CSGALNACT1: variants seen among roughly 807,000 people sequenced by gnomAD.
The protein encoded by CSGALNACT1 is chondroitin sulfate N-acetylgalactosaminyltransferase 1, also known as beta4GalNAcT-1.
A neutral mutation model predicts 51.0 loss-of-function variants in CSGALNACT1; 52 were observed. That is an observed-to-expected ratio of 1.02 (90% CI 0.82 to 1.29). The LOEUF (loss-of-function observed/expected upper bound fraction) is 1.29, where lower values mean the gene tolerates loss of function less well. Among genes scored for constraint, CSGALNACT1 ranks in the 50% most tolerant of loss-of-function variants. CSGALNACT1 has a pLI of 0.00. For missense variants in CSGALNACT1, 935 were observed against 679.2 expected, an observed-to-expected ratio of 1.38 and a Z score of -4.19; for synonymous variants, 341 against 254.4, an observed-to-expected ratio of 1.34 and a Z score of -3.24.
intron 5 of CSGALNACT1, among the ~76,000 whole-genome samples, chr8:19,454,120 G>C (rs904427426): frequency 2.0e-5 from 3 of 152,234 alleles, no homozygotes; most frequent in African/African-American, 7.2e-5. Flanking sequence ...CCTGAGGAAT[G>C]ACAGTGTGTC....
At chr8:19,648,682 T>G (rs558434779) in intron 1 of CSGALNACT1, among the ~76,000 whole-genome samples, 1 of 152,230 alleles carries the variant, frequency 6.6e-6, no homozygotes, top group Non-Finnish European at 1.5e-5. Context: ...GTGGTACCTG[T>G]AGTCCCAGGT....
At position 19,521,169 on chromosome 8, in the gene CSGALNACT1, A is replaced by G. The variant is rs530981476; in HGVS notation, c.-296-15039T>C. 6.2e-4 allele frequency among the ~76,000 whole-genome samples: 95 copies of G among 152,312 alleles called. 1 individual carries two copies. In the South Asian group the frequency reaches 0.019, roughly 31 times the overall value. ...ATAGGTAACGGCTAGCCAGCTGTCT[A>G]AGATTTTAAACAACAGACTCACACG... On this transcript the variant is annotated intron_variant, in intron 3 of 9. Coordinates refer to ENST00000454498, the Ensembl canonical transcript of CSGALNACT1.
At chr8:19,486,756 T>C (rs1183730321) in intron 4 of CSGALNACT1, among the ~76,000 whole-genome samples, 1 of 152,134 alleles carries the variant, frequency 6.6e-6, no homozygotes, top group Non-Finnish European at 1.5e-5. Context: ...CTAAAGGGAA[T>C]CCCCTTTACT....
At chr8:19,583,783 G>A (rs565643360) in intron 3 of CSGALNACT1, among the ~76,000 whole-genome samples, 1 of 152,260 alleles carries the variant, frequency 6.6e-6, no homozygotes, top group Non-Finnish European at 1.5e-5. Context: ...GCACTTTGGG[G>A]TTGGAACTGC....
chr8:19,618,491 T>C (rs1006795024), intron 1 of CSGALNACT1, among the ~76,000 whole-genome samples: 2 of 151,020 alleles, frequency 1.3e-5, no homozygotes, highest in African/African-American at 4.9e-5. Context: ...AATATAAAAA[T>C]TAGCCAGGCT....
At chr8:19,444,929 G>T (rs948570959) in intron 5 of CSGALNACT1, among the ~76,000 whole-genome samples, 1 of 152,194 alleles carries the variant, frequency 6.6e-6, no homozygotes, top group Non-Finnish European at 1.5e-5. Context: ...CCAGATGGAA[G>T]AAATAGGGAA....
intron 1 of CSGALNACT1, among the ~76,000 whole-genome samples, chr8:19,692,413 T>C (rs1193502719): frequency 6.6e-6 from 1 of 152,190 alleles, no homozygotes; most frequent in African/African-American, 2.4e-5. Flanking sequence ...TCCTCCCTTC[T>C]CTGCAATGAA....
chr8:19,409,063 C>T (rs555248641), intron 8 of CSGALNACT1, among the ~76,000 whole-genome samples: 10 of 152,176 alleles, frequency 6.6e-5, no homozygotes, highest in Admixed American at 2.0e-4. Context: ...CCAGTGCCAG[C>T]GAGAATCGGA....
chr8:19,521,337 A>T (rs2080645586), intron 3 of CSGALNACT1, among the ~76,000 whole-genome samples: 1 of 152,176 alleles, frequency 6.6e-6, no homozygotes, highest in Admixed American at 6.5e-5. Flanking sequence ...AGCACTAAAG[A>T]CAGAGGAAGT....
At chr8:19,410,498 A>G (rs911976578) in intron 8 of CSGALNACT1, among the ~76,000 whole-genome samples, 1 of 152,216 alleles carries the variant, frequency 6.6e-6, no homozygotes, top group Admixed American at 6.5e-5. Flanking sequence ...AAGTGCCAGT[A>G]TCCAATCTTC....
At chr8:19,599,571 A>G (rs1223626743) in intron 2 of CSGALNACT1, among the ~76,000 whole-genome samples, 4 of 151,954 alleles carry the variant, frequency 2.6e-5, no homozygotes, top group East Asian at 1.9e-4. Flanking sequence ...GAAAGAAAGA[A>G]AGAGAGAGAA....
intron 5 of CSGALNACT1, among the ~76,000 whole-genome samples, chr8:19,444,481 G>A (rs1335209219): frequency 1.3e-5 from 2 of 152,172 alleles, no homozygotes; most frequent in Non-Finnish European, 2.9e-5. Flanking sequence ...CTGGAAACAA[G>A]TTAATGGAAA....
chr8:19,544,647 AT>A (rs2086054384), intron 3 of CSGALNACT1, among the ~76,000 whole-genome samples: 1 of 152,184 alleles, frequency 6.6e-6, no homozygotes, highest in South Asian at 2.1e-4. Context: ...TTTTGTTATA[AT>A]TCTTAAAGTA....
At chr8:19,527,092 A>G (rs2081875504) in intron 3 of CSGALNACT1, among the ~76,000 whole-genome samples, 1 of 152,214 alleles carries the variant, frequency 6.6e-6, no homozygotes, top group Non-Finnish European at 1.5e-5. Flanking sequence ...GATAAGTAAG[A>G]CAGCATTCTT....
chr8:19,458,734 A>G, intron 4 of CSGALNACT1, 92 bp from the exon 4 acceptor site: 1 of 1,171,302 alleles, frequency 8.5e-7, no homozygotes. Context: ...AATGCCTTTA[A>G]AAAGTGTTTA....
intron 1 of CSGALNACT1, among the ~76,000 whole-genome samples, chr8:19,664,852 C>T (rs1290967128): frequency 6.6e-6 from 1 of 152,122 alleles, no homozygotes; most frequent in Non-Finnish European, 1.5e-5. Flanking sequence ...TACATGGATA[C>T]AGAGTGTAAA....
At chr8:19,738,516 C>G (rs1311183905) in intron 1 of CSGALNACT1, among the ~76,000 whole-genome samples, 1 of 152,084 alleles carries the variant, frequency 6.6e-6, no homozygotes, top group Non-Finnish European at 1.5e-5. Flanking sequence ...GTATGAGTTT[C>G]AGTTTGGAGA....
chr8:19,460,754 C>T (rs547042622), intron 4 of CSGALNACT1, among the ~76,000 whole-genome samples: 41 of 152,274 alleles, frequency 2.7e-4, no homozygotes, highest in African/African-American at 9.6e-4. Flanking sequence ...TTTTCTTGCT[C>T]ACTCTCCCTC....
intron 1 of CSGALNACT1, among the ~76,000 whole-genome samples, chr8:19,647,202 C>A: frequency 6.6e-6 from 1 of 152,152 alleles, no homozygotes; most frequent in African/African-American, 2.4e-5. Flanking sequence ...GGTGCCATGT[C>A]CATTACACCT....
Sources: gnomAD v4.1 joint callset for allele counts (sites outside exome capture counted in the v4.1 genomes callset) on GRCh38, gnomAD v4.1.1 for gene constraint, MANE v1.5 for transcripts, NCBI Gene and HGNC (gene_info 2026-07-23, HGNC 2026-07-21) for gene names.